The following KALRN variants were observed in gnomAD, a reference collection of about 807,000 sequenced individuals.
KALRN encodes the protein kalirin RhoGEF kinase.
In KALRN, 70 loss-of-function variants were observed where a neutral mutation model predicts 353.7. The ratio of observed to expected loss-of-function variants is 0.20; its 90% CI spans 0.16 to 0.24. KALRN has a LOEUF of 0.24. Among genes scored for constraint, KALRN ranks in the 10% least tolerant of loss-of-function variants. KALRN has a pLI of 1.00. For missense variants in KALRN, 2,791 were observed against 3,756.7 expected (o/e 0.74, Z 6.72); for synonymous variants, 1,391 against 1,434.8 (o/e 0.97, Z 0.69).
chr3:124,694,402 C>T lies in KALRN; in HGVS notation c.7476C>T (p.Cys2492=). 6.2e-7 allele frequency: 1 copy of T among 1,614,200 alleles called. No homozygotes were observed. Among genetic ancestry groups the T allele is most frequent in the Non-Finnish European group, 8.5e-7 (1 of 1,180,016 alleles). ...TTGGGGACACAGTGATACTGCAGTGCAAAGTCTGTGGGCGGCCAAAGCCCA... is the reference window on the plus strand; with the variant it reads ...TTGGGGACACAGTGATACTGCAGTGTAAAGTCTGTGGGCGGCCAAAGCCCA... ...CLLGDTVILQ[C]KVCGRPKPTI... is the part of the protein sequence containing the mutation. Residue 2492 remains cysteine (C), a synonymous_variant, in exon 53 of 60, where the codon TGC becomes TGT. Coordinates refer to ENST00000682506, the MANE Select transcript of KALRN (RefSeq NM_001388419.1).
chr3:124,331,247 TAA>T (rs1182043960), intron 8 of KALRN, among the ~76,000 whole-genome samples: 1 of 152,180 alleles, frequency 6.6e-6, no homozygotes, highest in African/African-American at 2.4e-5. Context: ...AAATGTGGTA[TAA>T]ATACACCATG....
At chr3:124,251,817 C>T (rs1320409418) in intron 3 of KALRN, among the ~76,000 whole-genome samples, 1 of 152,116 alleles carries the variant, frequency 6.6e-6, no homozygotes, top group Non-Finnish European at 1.5e-5. Flanking sequence ...TGGGTGTGAC[C>T]CTGGGACCTG....
At chr3:124,672,728 T>G (rs2086618330) in intron 48 of KALRN, among the ~76,000 whole-genome samples, 1 of 152,122 alleles carries the variant, frequency 6.6e-6, no homozygotes, top group Non-Finnish European at 1.5e-5. Context: ...AGGAGAGAAA[T>G]GGGAAAAGTG....
chr3:124,385,955 GA>G (rs34448699), intron 11 of KALRN, among the ~76,000 whole-genome samples: 1,939 of 147,470 alleles, frequency 0.013, 37 homozygotes, highest in African/African-American at 0.044. Flanking sequence ...TGCTGCTCAG[GA>G]AAAAAAAAAT....
intron 37 of KALRN, among the ~76,000 whole-genome samples, chr3:124,647,247 G>T (rs1203313053): frequency 1.3e-5 from 2 of 151,862 alleles, no homozygotes; most frequent in Non-Finnish European, 2.9e-5. Flanking sequence ...GGTTCCTTAT[G>T]ATCTGATCCC....
chr3:124,658,475 G>T lies in KALRN; in HGVS notation c.6081G>T (p.Pro2027=). ...ACGTGTGGTATTGTCAGAATAAGCC[G>T]CGCTCAGAGTACATCGTTGCTGAGT... ...HIYVWYCQNK[P]RSEYIVAEYD... is the part of the protein sequence containing the mutation. Residue 2027 remains proline, a synonymous_variant, in exon 42 of 60, where the codon CCG becomes CCT. Transcript: ENST00000682506. 6.2e-7 allele frequency: 1 copy of T among 1,614,112 alleles called. No homozygotes were observed. Among genetic ancestry groups the T allele is most frequent in the Non-Finnish European group, 8.5e-7 (1 of 1,179,972 alleles).
At chr3:124,339,401 CTCT>C (rs1348005649) in intron 9 of KALRN, among the ~76,000 whole-genome samples, 1 of 152,192 alleles carries the variant, frequency 6.6e-6, no homozygotes. Flanking sequence ...CTGCTGAGCC[CTCT>C]CAGAAGAATG....
chr3:124,114,639 G>A (rs1480326753), intron 1 of KALRN, among the ~76,000 whole-genome samples: 1 of 152,186 alleles, frequency 6.6e-6, no homozygotes, highest in Non-Finnish European at 1.5e-5. Flanking sequence ...GCAACAGCGG[G>A]CAGCCAGAGC....
chr3:124,431,451 C>G (rs1392306548), intron 16 of KALRN, among the ~76,000 whole-genome samples: 2 of 152,008 alleles, frequency 1.3e-5, no homozygotes, highest in East Asian at 3.8e-4. Context: ...CTTTAAGTAC[C>G]CTTAATTATC....
chr3:124,239,332 G>A (rs2080160346), intron 3 of KALRN, among the ~76,000 whole-genome samples: 1 of 152,162 alleles, frequency 6.6e-6, no homozygotes, highest in African/African-American at 2.4e-5. Flanking sequence ...ACTACATCTA[G>A]TAAGGAAATC....
intron 6 of KALRN, among the ~76,000 whole-genome samples, chr3:124,312,618 C>A (rs1339345211): frequency 6.6e-6 from 1 of 152,156 alleles, no homozygotes; most frequent in Admixed American, 6.5e-5. Context: ...GTGTGGACAC[C>A]AACACTGGTG....
chr3:124,576,167 C>G (rs2074072645), intron 34 of KALRN, among the ~76,000 whole-genome samples: 1 of 151,782 alleles, frequency 6.6e-6, no homozygotes, highest in African/African-American at 2.4e-5. Flanking sequence ...TAACTCCCAC[C>G]CTCTCCCATC....
In KALRN at chr3:124,327,995, A is replaced by G. The variant is rs184621385; in HGVS notation, c.1284+1824A>G. On this transcript the variant is annotated intron_variant, in intron 7 of 59. Transcript: ENST00000682506. The stretch of plus-strand genomic sequence containing the variant: ...TGGCACAGGGCTGTGCTAAAGATAC[A>G]ACACGAGAGATGGAATATGTAAGGT... 2.3e-4 allele frequency among the ~76,000 whole-genome samples: 35 copies of G among 152,334 alleles called. No individual in the cohort carries two copies. In the South Asian group the frequency reaches 2.7e-3, roughly 12 times the overall value.
intron 3 of KALRN, among the ~76,000 whole-genome samples, chr3:124,255,721 C>G (rs1275163196): frequency 6.6e-6 from 1 of 152,060 alleles, no homozygotes; most frequent in Non-Finnish European, 1.5e-5. Flanking sequence ...AGCCCCTTAT[C>G]CCAGTGCAGA....
intron 25 of KALRN, among the ~76,000 whole-genome samples, chr3:124,465,695 A>G (rs1417000749): frequency 2.0e-5 from 3 of 152,196 alleles, no homozygotes; most frequent in Non-Finnish European, 4.4e-5. Context: ...ATGCTTTTTA[A>G]CCCCAATTGT....
chr3:124,400,906 G>A (rs2090773767), intron 13 of KALRN, among the ~76,000 whole-genome samples: 1 of 152,166 alleles, frequency 6.6e-6, no homozygotes, highest in Non-Finnish European at 1.5e-5. Context: ...GCTTAAGGGG[G>A]AGGAAACAAT....
chr3:124,248,259 C>A (rs111635298), intron 3 of KALRN, among the ~76,000 whole-genome samples: 3 of 152,216 alleles, frequency 2.0e-5, no homozygotes, highest in African/African-American at 7.2e-5. Flanking sequence ...GCTTCACCCC[C>A]CCCATACTCC....
At chr3:124,598,056 C>T (rs978838728) in intron 34 of KALRN, among the ~76,000 whole-genome samples, 2 of 152,214 alleles carry the variant, frequency 1.3e-5, no homozygotes, top group African/African-American at 4.8e-5. Context: ...TGAATTGGAA[C>T]TCACTCTCAG....
intron 1 of KALRN, chr3:124,152,912 G>C (rs1355739867): frequency 5.6e-6 from 1 of 178,834 alleles, no homozygotes; most frequent in African/African-American, 2.4e-5. Flanking sequence ...ACTGCACCTG[G>C]CTGTGCTTTG....
Sources: allele counts gnomAD v4.1 joint callset (sites outside exome capture counted in the v4.1 genomes callset), GRCh38; gene constraint gnomAD v4.1.1; transcripts MANE v1.5; gene names NCBI Gene and HGNC (gene_info 2026-07-23, HGNC 2026-07-21).